Variants in CNTN6 observed in about 807,000 individuals in gnomAD.
CNTN6 encodes contactin 6.
CNTN6 carries 137 observed loss-of-function variants against 122.8 expected under a neutral mutation model. The ratio of observed to expected loss-of-function variants is 1.12; its 90% CI spans 0.97 to 1.29. The LOEUF (loss-of-function observed/expected upper bound fraction) is 1.29. CNTN6 is among the 50% of genes most tolerant of loss of function. CNTN6 has a pLI of 0.00. For missense variants in CNTN6, 1,634 were observed against 1,223.4 expected (o/e 1.34, Z -5.01); for synonymous variants, 570 against 426.0 (o/e 1.34, Z -4.16).
At chr3:1,277,341 GTTTTCTTTT>G (rs1460016144) in intron 4 of CNTN6, among the ~76,000 whole-genome samples, 65 of 66,126 alleles carry the variant, frequency 9.8e-4, no homozygotes, top group Non-Finnish European at 1.6e-3. Flanking sequence ...CTTTTAGTAG[GTTTTCTTTT>G]TTTTTTTTTT....
intron 20 of CNTN6, 113 bp downstream of exon 20, chr3:1,385,910 G>T: frequency 9.5e-7 from 1 of 1,047,350 alleles, no homozygotes; most frequent in Non-Finnish European, 1.4e-6. Flanking sequence ...TGGTTACTTT[G>T]GTTAGTTGGT....
At chr3:1,300,211 C>T (rs1559752932) in intron 7 of CNTN6, among the ~76,000 whole-genome samples, 2 of 152,104 alleles carry the variant, frequency 1.3e-5, no homozygotes, top group African/African-American at 2.4e-5. Context: ...TGGTCTCGAT[C>T]TGCTGACCTC....
At chr3:1,390,748 C>T (rs1184407804) in intron 20 of CNTN6, among the ~76,000 whole-genome samples, 1 of 151,720 alleles carries the variant, frequency 6.6e-6, no homozygotes, top group African/African-American at 2.4e-5. Flanking sequence ...CACAGAAATA[C>T]AAACTACCAT....
At chr3:1,370,952 T>C (rs1319535424) in intron 12 of CNTN6, among the ~76,000 whole-genome samples, 1 of 152,188 alleles carries the variant, frequency 6.6e-6, no homozygotes, top group African/African-American at 2.4e-5. Context: ...CAGAATGAGT[T>C]TGATTTTCTC....
At chr3:1,209,673 C>G (rs1339684522) in intron 2 of CNTN6, among the ~76,000 whole-genome samples, 1 of 104,446 alleles carries the variant, frequency 9.6e-6, no homozygotes, top group African/African-American at 5.2e-5. Context: ...AAATCAGTCT[C>G]CCATCCCAGC....
chr3:1,394,988 T>A (rs1226417428), intron 20 of CNTN6, among the ~76,000 whole-genome samples: 1 of 152,212 alleles, frequency 6.6e-6, no homozygotes, highest in Non-Finnish European at 1.5e-5. Flanking sequence ...TTCCTTTAAG[T>A]ATTCAGCTTT....
intron 4 of CNTN6, among the ~76,000 whole-genome samples, chr3:1,251,310 C>A (rs2094664381): frequency 6.6e-6 from 1 of 152,102 alleles, no homozygotes; most frequent in South Asian, 2.1e-4. Flanking sequence ...ATTTGACTGT[C>A]TGACTCACTC....
intron 2 of CNTN6, among the ~76,000 whole-genome samples, chr3:1,187,884 G>A (rs373695660): frequency 2.6e-5 from 4 of 152,212 alleles, no homozygotes; most frequent in African/African-American, 4.8e-5. Flanking sequence ...GTTGGGCACC[G>A]TATGGTTGGT....
chr3:1,127,696 A>G (rs559884107), intron 1 of CNTN6, among the ~76,000 whole-genome samples: 1 of 152,142 alleles, frequency 6.6e-6, no homozygotes, highest in South Asian at 2.1e-4. Flanking sequence ...TATTCTAGAC[A>G]TTAAATATAT....
chr3:1,221,353 C>G (rs1290949419), intron 3 of CNTN6, among the ~76,000 whole-genome samples: 1 of 152,192 alleles, frequency 6.6e-6, no homozygotes, highest in Non-Finnish European at 1.5e-5. Context: ...GGAACTGCAG[C>G]CTCAGTTGCT....
intron 12 of CNTN6, among the ~76,000 whole-genome samples, chr3:1,368,784 A>G (rs891503562): frequency 5.3e-5 from 8 of 152,212 alleles, no homozygotes; most frequent in Non-Finnish European, 1.0e-4. Context: ...GTCATCACTC[A>G]TCTATGAATC....
At chr3:1,344,349 A>G (rs1704340553) in intron 11 of CNTN6, among the ~76,000 whole-genome samples, 1 of 152,168 alleles carries the variant, frequency 6.6e-6, no homozygotes. Flanking sequence ...TTGCTTCCAG[A>G]CAGGCTGTAT....
At chr3:1,386,169 CATAT>C (rs1327662999) in intron 20 of CNTN6, among the ~76,000 whole-genome samples, 4 of 152,060 alleles carry the variant, frequency 2.6e-5, no homozygotes. Flanking sequence ...AGGAAAAAGT[CATAT>C]TTATGTTTTC....
chr3:1,151,496 A>T (rs1270053490), intron 2 of CNTN6, among the ~76,000 whole-genome samples: 1 of 152,188 alleles, frequency 6.6e-6, no homozygotes, highest in Non-Finnish European at 1.5e-5. Context: ...GAGGGCAGGA[A>T]ATTTCATCTG....
intron 1 of CNTN6, among the ~76,000 whole-genome samples, chr3:1,107,833 T>C (rs1463981728): frequency 6.6e-6 from 1 of 152,078 alleles, no homozygotes; most frequent in Non-Finnish European, 1.5e-5. Flanking sequence ...ATGCAATTAA[T>C]TGAGCTTGCA....
chr3:1,350,386 CT>C (rs1053870313), intron 11 of CNTN6, among the ~76,000 whole-genome samples: 4 of 151,792 alleles, frequency 2.6e-5, no homozygotes, highest in African/African-American at 9.7e-5. Flanking sequence ...AGCCTGAGTA[CT>C]AGGATAATTA....
intron 12 of CNTN6, among the ~76,000 whole-genome samples, chr3:1,358,039 C>T (rs1575844791): frequency 6.6e-6 from 1 of 151,888 alleles, no homozygotes; most frequent in South Asian, 2.1e-4. Context: ...TACTACACTC[C>T]TAGAAGCAGC....
At chr3:1,130,209 C>A (rs1032579252) in intron 1 of CNTN6, among the ~76,000 whole-genome samples, 2 of 152,022 alleles carry the variant, frequency 1.3e-5, no homozygotes, top group East Asian at 1.9e-4. Flanking sequence ...CAATTTCTAA[C>A]CCTATATCTA....
chr3:1,280,224 A>C (rs1468931689), intron 5 of CNTN6, among the ~76,000 whole-genome samples: 2 of 152,146 alleles, frequency 1.3e-5, no homozygotes, highest in Non-Finnish European at 2.9e-5. Context: ...TATGTAAAAA[A>C]ATTTAAAAAA....
Sources: allele counts gnomAD v4.1 joint callset (sites outside exome capture counted in the v4.1 genomes callset), GRCh38; gene constraint gnomAD v4.1.1; transcripts MANE v1.5; gene names NCBI Gene and HGNC (gene_info 2026-07-23, HGNC 2026-07-21).